Variants in MAPRE3 observed in about 807,000 individuals in gnomAD.
MAPRE3 encodes the protein microtubule associated protein RP/EB family member 3.
A neutral mutation model predicts 30.5 loss-of-function variants in MAPRE3; 2 were observed. The observed-to-expected ratio is 0.07, with a 90% CI of 0.03 to 0.21. The LOEUF is 0.21. Ranked by LOEUF, MAPRE3 falls within the 10% of genes least tolerant of loss-of-function variation. The pLI is 1.00. For missense variants in MAPRE3, 204 were observed against 351.8 expected (o/e 0.58, Z 3.36); for synonymous variants, 110 against 127.7 (o/e 0.86, Z 0.93).
At chr2:27,006,951 GGTTT>G (rs1666742632) in intron 1 of MAPRE3, among the ~76,000 whole-genome samples, 1 of 152,212 alleles carries the variant, frequency 6.6e-6, no homozygotes, top group Non-Finnish European at 1.5e-5. Flanking sequence ...AATGGTGTAA[GGTTT>G]GTTTACAGAT....
intron 1 of MAPRE3, chr2:27,012,794 A>G (rs1417149662): frequency 6.5e-6 from 1 of 152,678 alleles, no homozygotes; most frequent in Non-Finnish European, 1.5e-5. Context: ...GAAAGCTTAA[A>G]GTATAAATGA....
At chr2:26,975,280 C>T (rs11680032) in intron 1 of MAPRE3, among the ~76,000 whole-genome samples, 86,076 of 151,962 alleles carry the variant, frequency 0.57, 24,976 homozygotes, top group East Asian at 0.76. Context: ...CTGGTAGAGG[C>T]ATAGATTTCA....
chr2:27,004,484 T>C (rs1666677104), intron 1 of MAPRE3, among the ~76,000 whole-genome samples: 1 of 152,154 alleles, frequency 6.6e-6, no homozygotes, highest in Non-Finnish European at 1.5e-5. Context: ...GTTTTGGTTC[T>C]CTGGTGATGT....
At chr2:26,989,330 G>A (rs574549618) in intron 1 of MAPRE3, among the ~76,000 whole-genome samples, 60 of 152,300 alleles carry the variant, frequency 3.9e-4, no homozygotes, top group African/African-American at 1.4e-3. Flanking sequence ...TGCATGAGCT[G>A]GGTGCTGTGC....
In MAPRE3 at chr2:26,992,458, C is replaced by A. The variant is rs149981481; in HGVS notation, c.-8+21656C>A. On this transcript the variant is annotated intron_variant, in intron 1 of 6. Transcript: ENST00000233121. ...CAGGCTGGTCTTGAACTCCCGACGT[C>A]AGGTGATCCACCCGCCTCAGCCTCC... 6.9e-3 allele frequency among the ~76,000 whole-genome samples: 1,054 copies of A among 152,194 alleles called. 10 individuals carry two copies. The highest frequency in any genetic ancestry group is 0.025 in the African/African-American group (1,018 of 41,518).
At position 26,974,416 on chromosome 2, in the gene MAPRE3, C is replaced by T. The variant is rs563511164; in HGVS notation, c.-8+3614C>T. 1.1e-4 allele frequency among the ~76,000 whole-genome samples: 16 copies of T among 152,330 alleles called. No homozygotes were observed. In the East Asian group the frequency reaches 3.1e-3, roughly 29 times the overall value. On this transcript the variant is annotated intron_variant, in intron 1 of 6. Transcript: ENST00000233121. Reference sequence around the variant, plus strand: ...TCTTTTTTTAATTTGCATCAACTAACAGAAAAGCAAATGTGAAGTTGGGTA... The same window carrying T: ...TCTTTTTTTAATTTGCATCAACTAATAGAAAAGCAAATGTGAAGTTGGGTA...
intron 1 of MAPRE3, among the ~76,000 whole-genome samples, chr2:26,983,162 G>A (rs940682567): frequency 3.3e-5 from 5 of 152,112 alleles, no homozygotes; most frequent in African/African-American, 1.2e-4. Context: ...ATTCAGAGAC[G>A]GAACCCACCA....
At chr2:27,023,629 C>A in intron 3 of MAPRE3, 152 bp downstream of exon 3, 1 of 847,842 alleles carries the variant, frequency 1.2e-6, no homozygotes, top group Non-Finnish European at 1.9e-6. Context: ...TTTCCCCCTG[C>A]TCAAGGCACA....
chr2:26,991,942 C>T (rs919541640), intron 1 of MAPRE3, among the ~76,000 whole-genome samples: 1 of 152,164 alleles, frequency 6.6e-6, no homozygotes, highest in Non-Finnish European at 1.5e-5. Flanking sequence ...TTAGGCCACA[C>T]GTGGAAATTG....
At chr2:26,976,577 G>C (rs1355768138) in intron 1 of MAPRE3, among the ~76,000 whole-genome samples, 1 of 152,216 alleles carries the variant, frequency 6.6e-6, no homozygotes, top group African/African-American at 2.4e-5. Context: ...TGCCCTACCA[G>C]CTTTGCTAAA....
In MAPRE3 at chr2:27,026,328, G is replaced by A. The variant is rs1667242331; in HGVS notation, c.826G>A (p.Glu276Lys). The A allele has an allele frequency of 6.2e-7, 1 of 1,613,912 alleles. No individual in the cohort carries two copies. Among genetic ancestry groups the A allele is most frequent in the South Asian group, 1.1e-5 (1 of 91,070 alleles). ...CGATGAGATTGAAGAGCATCAACAA[G>A]AAGACCAGGACGAGTACTGAGGGCG... ...EDDEIEEHQQ[E>K]DQDEY The change falls in exon 7 of 7, where the codon GAA becomes AAA. Residue 276 changes from glutamate to lysine, a missense_variant. Physicochemically the swap from Glu to Lys is moderately conservative, Grantham distance 56. This residue lies in a region of MAPRE3 where 26 missense variants were observed against 25.6 expected (regional missense o/e 1.02). Transcript: ENST00000233121.
chr2:27,011,345 C>T (rs1013219390), intron 1 of MAPRE3, among the ~76,000 whole-genome samples: 1 of 152,146 alleles, frequency 6.6e-6, no homozygotes, highest in African/African-American at 2.4e-5. Context: ...ACTTAAAAGC[C>T]AAAGGTGCTT....
chr2:26,989,997 A>G (rs1401964505), intron 1 of MAPRE3, among the ~76,000 whole-genome samples: 3 of 152,130 alleles, frequency 2.0e-5, no homozygotes, highest in Non-Finnish European at 2.9e-5. Context: ...TAGACAACAT[A>G]GTGAGACCCT....
At chr2:26,990,794 G>C (rs1434371964) in intron 1 of MAPRE3, among the ~76,000 whole-genome samples, 4 of 152,162 alleles carry the variant, frequency 2.6e-5, no homozygotes, top group African/African-American at 9.7e-5. Context: ...TTACAGGGAA[G>C]AATCAACTGC....
At chr2:26,971,057 C>T (rs1257797106) in intron 1 of MAPRE3, among the ~76,000 whole-genome samples, 1 of 150,692 alleles carries the variant, frequency 6.6e-6, no homozygotes, top group South Asian at 2.1e-4. Flanking sequence ...CTCTCCGGGT[C>T]CACCTTGAGG....
At chr2:27,008,557 A>G (rs931533846) in intron 1 of MAPRE3, among the ~76,000 whole-genome samples, 4 of 152,204 alleles carry the variant, frequency 2.6e-5, no homozygotes, top group African/African-American at 9.7e-5. Flanking sequence ...TTAAACTGAG[A>G]CAAAGCCATA....
intron 1 of MAPRE3, among the ~76,000 whole-genome samples, chr2:26,994,821 CTTCT>C (rs1435325991): frequency 4.5e-4 from 43 of 95,706 alleles, no homozygotes; most frequent in African/African-American, 1.3e-3. Flanking sequence ...TCTTCTTCTT[CTTCT>C]TTTTTTTTTT....
intron 1 of MAPRE3, chr2:27,013,043 G>C (rs1666895786): frequency 6.6e-6 from 1 of 152,576 alleles, no homozygotes; most frequent in Non-Finnish European, 1.5e-5. Flanking sequence ...GGAACATAAA[G>C]TGACATGGCT....
rs144585951 is a variant in MAPRE3 at position 27,025,644 on chromosome 2, T to G, written c.531T>G (p.Asn177Lys). ...KNMQTSGRLS[N>K]VAPPCILRKN... is the part of the protein sequence containing the mutation. ...TGCAGACCTCTGGCCGGCTGAGCAA[T>G]GTGGCCCCCCCCTGCATTCTCCGGA... Residue 177 changes from asparagine (N) to lysine (K), a missense_variant, in exon 5 of 7, where the codon AAT becomes AAG. Around this residue, in one of 5 missense-constraint regions of MAPRE3, gnomAD observed 32 missense variants for 20.7 expected, o/e 1.55. Transcript: ENST00000233121. 6.2e-7 allele frequency: 1 copy of G among 1,609,812 alleles called. No individual in the cohort carries two copies. Among genetic ancestry groups the G allele is most frequent in the African/African-American group, 1.3e-5 (1 of 75,006 alleles).
Sources: allele counts gnomAD v4.1 joint callset (sites outside exome capture counted in the v4.1 genomes callset), GRCh38; gene constraint gnomAD v4.1.1; regional missense constraint gnomAD v4.1.1; transcripts MANE v1.5; gene names NCBI Gene and HGNC (gene_info 2026-07-23, HGNC 2026-07-21).